SH3RF1: variants seen among roughly 807,000 people sequenced by gnomAD.
SH3RF1 encodes the protein SH3 domain containing ring finger 1, also known as E3 ubiquitin-protein ligase SH3RF1.
In SH3RF1, 32 loss-of-function variants were observed where a neutral mutation model predicts 74.0. That is an observed-to-expected ratio of 0.43 (90% confidence interval 0.33 to 0.58). The LOEUF (loss-of-function observed/expected upper bound fraction) is 0.58. Among genes scored for constraint, SH3RF1 ranks in the 20% least tolerant of loss-of-function variants. SH3RF1 has a pLI of 0.05. For synonymous variants in SH3RF1, 396 were observed against 439.6 expected (o/e 0.90, Z 1.24); for missense variants, 954 against 1,130.9 (o/e 0.84, Z 2.24).
chr4:169,110,041 C>A (rs1439080055), intron 10 of SH3RF1, among the ~76,000 whole-genome samples: 17 of 124,008 alleles, frequency 1.4e-4, no homozygotes, highest in Middle Eastern at 6.5e-3. Flanking sequence ...AAAAAAAAAA[C>A]CACCTGGGAG....
rs1486183646 is a variant in SH3RF1, at chr4:169,113,363, G to C, written c.2139+2906C>G. On this transcript the variant is annotated intron_variant, in intron 10 of 11. Coordinates refer to ENST00000284637, the MANE Select transcript of SH3RF1 (RefSeq NM_020870.4). Reference sequence around the variant, plus strand: ...GACCTCAGGTGATACACCAGCTTTGGCCTCCCAAAGTGCTGGGATTACAGG... The same window carrying C: ...GACCTCAGGTGATACACCAGCTTTGCCCTCCCAAAGTGCTGGGATTACAGG... 2.6e-5 allele frequency among the ~76,000 whole-genome samples: 4 copies of C among 152,194 alleles called. No homozygotes were observed. The East Asian group carries it at 7.7e-4, about 29-fold the overall frequency.
Position 169,136,640 on chromosome 4 carries a change from A to T in SH3RF1, c.766-20T>A. 1 of 1,478,712 alleles carries T rather than the reference A, an allele frequency of 6.8e-7. No homozygotes were observed. Among genetic ancestry groups the T allele is most frequent in the Non-Finnish European group, 9.0e-7 (1 of 1,112,658 alleles). 91.6% of individuals were successfully genotyped at this position (1,478,712 alleles called of 1,614,324 possible). A position where few individuals can be genotyped will look rare whatever the true frequency, so the allele number is the denominator to read the frequency against. On this transcript the variant is annotated intron_variant, in intron 4 of 11. Coordinates refer to ENST00000284637, the MANE Select transcript of SH3RF1 (RefSeq NM_020870.4). ...GTTAAACTGCAAAAGCAACCAACAA[A>T]CCAACACAAGAAGGTTAAACAATTC...
At chr4:169,225,053 C>T (rs897684125) in intron 2 of SH3RF1, among the ~76,000 whole-genome samples, 1 of 152,138 alleles carries the variant, frequency 6.6e-6, no homozygotes, top group Non-Finnish European at 1.5e-5. Flanking sequence ...AGACCAATTA[C>T]CACATGCCTG....
At chr4:169,260,323 GA>G (rs1288023051) in intron 2 of SH3RF1, among the ~76,000 whole-genome samples, 1 of 152,154 alleles carries the variant, frequency 6.6e-6, no homozygotes, top group Non-Finnish European at 1.5e-5. Flanking sequence ...GCAGTTTTAG[GA>G]AGGCAATGGA....
In SH3RF1 at chr4:169,155,541, T is replaced by C. The variant is rs777978741; in HGVS notation, c.704A>G (p.Glu235Gly). The change falls in exon 4 of 12, where the codon GAA becomes GGA. Residue 235 changes from glutamate (E) to glycine (G), a missense_variant. Coordinates refer to ENST00000284637, the MANE Select transcript of SH3RF1 (RefSeq NM_020870.4). ...DVLTVIRRVD[E>G]NWAEGMLADK... ...TGCCAGCATTCCTTCAGCCCAGTTT[T>C]CATCCACTCTTCGGATCACAGTCAG... is the stretch of plus-strand genomic sequence containing the variant. The C allele has an allele frequency of 1.2e-6, 2 of 1,613,646 alleles. No homozygotes were observed. The highest frequency in any genetic ancestry group is 2.7e-5 in the African/African-American group (2 of 74,918).
chr4:169,178,077 C>A (rs1270079542), intron 2 of SH3RF1, among the ~76,000 whole-genome samples: 1 of 151,578 alleles, frequency 6.6e-6, no homozygotes, highest in African/African-American at 2.4e-5. Flanking sequence ...CCTGTCTCTA[C>A]TAAAAATACA....
intron 2 of SH3RF1, among the ~76,000 whole-genome samples, chr4:169,249,432 C>T (rs900816114): frequency 6.6e-6 from 1 of 152,174 alleles, no homozygotes; most frequent in Non-Finnish European, 1.5e-5. Context: ...ACTGAACCTA[C>T]CAGCACCTTG....
intron 11 of SH3RF1, among the ~76,000 whole-genome samples, chr4:169,098,596 A>C (rs531600912): frequency 6.6e-6 from 1 of 152,354 alleles, no homozygotes; most frequent in Non-Finnish European, 1.5e-5. Context: ...TCTGAAGCAA[A>C]AGCACAGCAC....
chr4:169,270,192 T>C (rs1246023367), intron 1 of SH3RF1, among the ~76,000 whole-genome samples: 3 of 152,212 alleles, frequency 2.0e-5, no homozygotes, highest in Non-Finnish European at 2.9e-5. Flanking sequence ...CATTAACAGC[T>C]GTTCTTGACA....
intron 4 of SH3RF1, among the ~76,000 whole-genome samples, chr4:169,147,535 A>G (rs1328488927): frequency 1.3e-5 from 2 of 152,238 alleles, no homozygotes; most frequent in Admixed American, 6.5e-5. Flanking sequence ...AGAATACTGT[A>G]CCAAGGATAT....
At chr4:169,167,064 T>C in intron 2 of SH3RF1, 1 of 201,856 alleles carries the variant, frequency 5.0e-6, no homozygotes, top group South Asian at 9.8e-5. Context: ...GGGCTACCTA[T>C]AATCTGTGTT....
chr4:169,171,743 T>C (rs2126973523), intron 2 of SH3RF1, among the ~76,000 whole-genome samples: 1 of 152,314 alleles, frequency 6.6e-6, no homozygotes, highest in African/African-American at 2.4e-5. Context: ...TCTCCCAGCC[T>C]ACAATATTCC....
intron 2 of SH3RF1, among the ~76,000 whole-genome samples, chr4:169,258,462 T>C (rs1303325328): frequency 6.6e-6 from 1 of 151,610 alleles, no homozygotes; most frequent in Non-Finnish European, 1.5e-5. Context: ...CAAAAATGAG[T>C]AGAAAAAAGA....
chr4:169,151,323 C>T (rs1252656594), intron 4 of SH3RF1, among the ~76,000 whole-genome samples: 2 of 152,176 alleles, frequency 1.3e-5, no homozygotes, highest in African/African-American at 4.8e-5. Context: ...ATAATAATAA[C>T]AATGGTGATA....
At chr4:169,161,297 T>C (rs1166041919) in intron 2 of SH3RF1, among the ~76,000 whole-genome samples, 6 of 152,240 alleles carry the variant, frequency 3.9e-5, no homozygotes, top group Admixed American at 1.3e-4. Flanking sequence ...ATCTACTATA[T>C]TGTTCATTTA....
intron 2 of SH3RF1, among the ~76,000 whole-genome samples, chr4:169,226,136 A>G (rs573427407): frequency 6.6e-6 from 1 of 152,306 alleles, no homozygotes; most frequent in Admixed American, 6.5e-5. Context: ...TGTGACTCAT[A>G]GTTTGTCTCT....
intron 2 of SH3RF1, among the ~76,000 whole-genome samples, chr4:169,214,057 G>A (rs538245400): frequency 7.2e-4 from 110 of 152,286 alleles, no homozygotes; most frequent in African/African-American, 2.5e-3. Context: ...ATATAGTTTG[G>A]ATGTCTGTCC....
chr4:169,146,575 C>T (rs993871635), intron 4 of SH3RF1, among the ~76,000 whole-genome samples: 4 of 151,948 alleles, frequency 2.6e-5, no homozygotes, highest in African/African-American at 7.3e-5. Flanking sequence ...ATTGAGAGGA[C>T]AAAATGACAA....
intron 8 of SH3RF1, among the ~76,000 whole-genome samples, chr4:169,119,107 AT>A (rs953472128): frequency 3.3e-5 from 5 of 149,416 alleles, no homozygotes; most frequent in Admixed American, 2.0e-4. Context: ...AAACAGATAG[AT>A]TTTTTTTTTC....
Sources: allele counts gnomAD v4.1 joint callset (sites outside exome capture counted in the v4.1 genomes callset), GRCh38; gene constraint gnomAD v4.1.1; transcripts MANE v1.5; gene names NCBI Gene and HGNC (gene_info 2026-07-23, HGNC 2026-07-21).